Variants in SLC10A7 observed in about 807,000 individuals in gnomAD.
SLC10A7 encodes the protein solute carrier family 10 member 7.
Under a neutral mutation model 43.2 loss-of-function variants are expected in SLC10A7, and 29 were observed. That is an observed-to-expected ratio of 0.67 (90% CI 0.50 to 0.92). The LOEUF is 0.92. Among genes scored for constraint, SLC10A7 ranks in the 40% least tolerant of loss-of-function variants. The pLI is 0.00. For missense variants in SLC10A7, 295 were observed against 403.2 expected, an observed-to-expected ratio of 0.73 and a Z score of 2.30; for synonymous variants, 152 against 144.8, an observed-to-expected ratio of 1.05 and a Z score of -0.35.
chr4:146,321,526 A>AT (rs1732705776), intron 6 of SLC10A7, among the ~76,000 whole-genome samples: 1 of 152,176 alleles, frequency 6.6e-6, no homozygotes, highest in Non-Finnish European at 1.5e-5. Flanking sequence ...AAACCTCAAC[A>AT]TATCCTTTTA....
At chr4:146,289,197 C>T (rs1459332690) in intron 9 of SLC10A7, among the ~76,000 whole-genome samples, 4 of 152,152 alleles carry the variant, frequency 2.6e-5, no homozygotes, top group Non-Finnish European at 5.9e-5. Context: ...GCTTAGTTGC[C>T]TCCTCTGAAA....
intron 5 of SLC10A7, among the ~76,000 whole-genome samples, chr4:146,348,130 T>C (rs1016357885): frequency 1.3e-5 from 2 of 152,156 alleles, no homozygotes; most frequent in South Asian, 2.1e-4. Context: ...CCAAATTCAA[T>C]GGATCCAGTG....
chr4:146,357,042 T>C (rs1735703833), intron 5 of SLC10A7, among the ~76,000 whole-genome samples: 2 of 151,768 alleles, frequency 1.3e-5, no homozygotes, highest in African/African-American at 4.8e-5. Context: ...TAAAGAAAGC[T>C]GCTTTGCTCA....
At chr4:146,443,841 A>G (rs189200860) in intron 4 of SLC10A7, among the ~76,000 whole-genome samples, 120 of 152,308 alleles carry the variant, frequency 7.9e-4, no homozygotes, top group African/African-American at 2.8e-3. Context: ...CTCCTATTCC[A>G]GTTCATAATT....
At chr4:146,496,888 T>A (rs1028529172) in intron 4 of SLC10A7, among the ~76,000 whole-genome samples, 8 of 152,184 alleles carry the variant, frequency 5.3e-5, no homozygotes, top group Admixed American at 3.9e-4. Flanking sequence ...GACGTTATTA[T>A]CCTTATTATT....
intron 5 of SLC10A7, among the ~76,000 whole-genome samples, chr4:146,412,328 T>C (rs929718579): frequency 3.9e-5 from 6 of 152,176 alleles, no homozygotes; most frequent in African/African-American, 1.4e-4. Flanking sequence ...ACATTAGTAT[T>C]GATTGTATAT....
chr4:146,285,967 T>A (rs2111134860), intron 9 of SLC10A7, among the ~76,000 whole-genome samples: 1 of 148,222 alleles, frequency 6.7e-6, no homozygotes, highest in Non-Finnish European at 1.5e-5. Flanking sequence ...AAGGACTGAG[T>A]TTGGAGTGGT....
At chr4:146,417,532 G>A (rs574111152) in intron 5 of SLC10A7, among the ~76,000 whole-genome samples, 3 of 152,186 alleles carry the variant, frequency 2.0e-5, no homozygotes, top group African/African-American at 2.4e-5. Flanking sequence ...CTTAACACAC[G>A]CTCATGTAAA....
intron 4 of SLC10A7, among the ~76,000 whole-genome samples, chr4:146,472,155 A>C (rs1487353111): frequency 6.6e-6 from 1 of 150,788 alleles, no homozygotes; most frequent in African/African-American, 2.4e-5. Flanking sequence ...ATGAACGTGC[A>C]AAAAAAATGC....
intron 7 of SLC10A7, among the ~76,000 whole-genome samples, chr4:146,305,207 A>G (rs1276371746): frequency 6.6e-5 from 10 of 150,766 alleles, no homozygotes; most frequent in Non-Finnish European, 1.2e-4. Context: ...TGGATTAAGA[A>G]AATGTGGCAC....
At chr4:146,420,417 T>C (rs1728881789) in intron 5 of SLC10A7, among the ~76,000 whole-genome samples, 1 of 152,174 alleles carries the variant, frequency 6.6e-6, no homozygotes, top group African/African-American at 2.4e-5. Flanking sequence ...TTGGTCAGTA[T>C]AAGTATCTAA....
intron 4 of SLC10A7, among the ~76,000 whole-genome samples, chr4:146,500,299 G>A (rs1337875280): frequency 1.3e-5 from 2 of 152,038 alleles, no homozygotes; most frequent in African/African-American, 4.8e-5. Context: ...TTACCCTCAA[G>A]TTAACTCACT....
intron 4 of SLC10A7, among the ~76,000 whole-genome samples, chr4:146,493,518 A>C (rs1318311102): frequency 6.7e-6 from 1 of 149,934 alleles, no homozygotes. Context: ...AGGGAGAGAG[A>C]GATATACCTG....
intron 4 of SLC10A7, among the ~76,000 whole-genome samples, chr4:146,474,819 T>C (rs921030367): frequency 2.6e-4 from 39 of 152,336 alleles, no homozygotes; most frequent in African/African-American, 9.1e-4. Context: ...AACATATTTA[T>C]GTTTACGTGT....
At chr4:146,402,283 C>T (rs1264158722) in intron 5 of SLC10A7, among the ~76,000 whole-genome samples, 1 of 152,184 alleles carries the variant, frequency 6.6e-6, no homozygotes, top group African/African-American at 2.4e-5. Flanking sequence ...TAATTTCAGT[C>T]AGCACCACAG....
intron 5 of SLC10A7, among the ~76,000 whole-genome samples, chr4:146,397,397 T>C (rs933588120): frequency 3.3e-5 from 5 of 152,290 alleles, no homozygotes; most frequent in Admixed American, 2.0e-4. Flanking sequence ...AATTTCAGGA[T>C]AAAATAGTTC....
intron 5 of SLC10A7, among the ~76,000 whole-genome samples, chr4:146,408,335 C>T (rs756699408): frequency 2.6e-5 from 4 of 151,862 alleles, no homozygotes; most frequent in Admixed American, 6.6e-5. Context: ...ATTGCCTGAG[C>T]TCAGGAGTTT....
intron 5 of SLC10A7, among the ~76,000 whole-genome samples, chr4:146,352,992 C>G (rs1409685413): frequency 1.3e-5 from 2 of 148,738 alleles, no homozygotes; most frequent in African/African-American, 2.5e-5. Flanking sequence ...AAAGCAAGAG[C>G]AAACACATTC....
chr4:146,445,851 T>C (rs532104505), intron 4 of SLC10A7, among the ~76,000 whole-genome samples: 20 of 151,876 alleles, frequency 1.3e-4, no homozygotes, highest in Non-Finnish European at 2.4e-4. Context: ...CCTCTTCTCC[T>C]CTGGTTGTTC....
Sources: gnomAD v4.1 joint callset for allele counts (sites outside exome capture counted in the v4.1 genomes callset) on GRCh38, gnomAD v4.1.1 for gene constraint, MANE v1.5 for transcripts, NCBI Gene and HGNC (gene_info 2026-07-23, HGNC 2026-07-21) for gene names.